The following MGAT5B variants were observed in gnomAD, a reference collection of about 807,000 sequenced individuals.
The protein encoded by MGAT5B is alpha-1,6-mannosylglycoprotein 6-beta-N-acetylglucosaminyltransferase B.
In MGAT5B, 54 loss-of-function variants were observed where a neutral mutation model predicts 95.1. That is an observed-to-expected ratio of 0.57 (90% CI 0.46 to 0.71). The LOEUF is 0.71. MGAT5B is among the 30% of genes least tolerant of loss of function. MGAT5B has a pLI of 0.00. For missense variants in MGAT5B, 935 were observed against 1,088.6 expected, an observed-to-expected ratio of 0.86 and a Z score of 1.99; for synonymous variants, 464 against 451.0, an observed-to-expected ratio of 1.03 and a Z score of -0.36.
chr17:76,931,967 A>G (rs904929530), intron 10 of MGAT5B, among the ~76,000 whole-genome samples: 3 of 151,296 alleles, frequency 2.0e-5, no homozygotes, highest in Admixed American at 6.6e-5. Flanking sequence ...GGACTTGATG[A>G]CCTCTTAGGC....
chr17:76,921,253 A>T (rs1969115352), intron 8 of MGAT5B, among the ~76,000 whole-genome samples: 1 of 152,112 alleles, frequency 6.6e-6, no homozygotes, highest in South Asian at 2.1e-4. Flanking sequence ...TTTCTGCGGC[A>T]CCTGGCCTCA....
rs568566522 is a variant in MGAT5B, at chr17:76,918,357, C to T, written c.1026-6609C>T. Among the ~76,000 whole-genome samples, 87 of 152,262 alleles carry T rather than the reference C, an allele frequency of 5.7e-4. 1 individual carries two copies. The highest frequency in any genetic ancestry group is 1.3e-3 in the Admixed American group (20 of 15,304). ...GTTCTCAGCTGTAGCCCTGAACCCT[C>T]GAGGGCACAGGGTACATGCTGGGGA... On this transcript the variant is annotated intron_variant, in intron 8 of 17. Transcript: ENST00000569840. The surrounding 1 kb of genome is among the most constrained non-coding windows in gnomAD (Gnocchi z 5.1).
chr17:76,893,359 C>T (rs1385844343), intron 3 of MGAT5B, among the ~76,000 whole-genome samples: 1 of 152,194 alleles, frequency 6.6e-6, no homozygotes, highest in African/African-American at 2.4e-5. Context: ...TGGGGACAAC[C>T]CTCCTGAGCC....
chr17:76,930,492 C>T lies in MGAT5B; in HGVS notation c.1292-2153C>T, dbSNP rs989146633. On this transcript the variant is annotated intron_variant, in intron 10 of 17. Coordinates refer to ENST00000569840, the MANE Select transcript of MGAT5B (RefSeq NM_001199172.2). This position sits in a 1 kb window ranked among gnomAD's most constrained non-coding sequence, Gnocchi z 4.1. ...CCTCCTCACTCACCATAGCCCCTTC[C>T]GTGCGGGAAGGTAGATTAAATATCC... is the stretch of plus-strand genomic sequence containing the variant. Among the ~76,000 whole-genome samples the T allele has an allele frequency of 1.3e-5, 2 of 152,170 alleles. No homozygotes were observed. The highest frequency in any genetic ancestry group is 1.5e-5 in the Non-Finnish European group (1 of 68,052).
rs9900337 is a variant in MGAT5B at position 76,940,984 on chromosome 17, C to G, written c.1848+136C>G. The G allele has an allele frequency of 0.26, 169,233 of 659,646 alleles. 22,752 individuals carry two copies. Among genetic ancestry groups the G allele is most frequent in the East Asian group, 0.39 (14,030 of 36,344 alleles). 40.9% of individuals were successfully genotyped at this position (659,646 alleles called of 1,614,324 possible). A position where few individuals can be genotyped will look rare whatever the true frequency, so the allele number is the denominator to read the frequency against. On this transcript the variant is annotated intron_variant, in intron 15 of 17. Coordinates refer to ENST00000569840, the MANE Select transcript of MGAT5B (RefSeq NM_001199172.2). This position sits in a 1 kb window ranked among gnomAD's most constrained non-coding sequence, Gnocchi z 4.3. ...GTTGGCAAAGGTGTCCATCCCTCCC[C>G]TGGTCAGACACAGCCCTGAGCCAGG... is the stretch of plus-strand genomic sequence containing the variant.
chr17:76,904,187 C>T (rs918607800), intron 5 of MGAT5B, 65 bp from the exon 6 acceptor site: 21 of 1,495,778 alleles, frequency 1.4e-5, no homozygotes, highest in African/African-American at 1.4e-4. Context: ...GGTGCACGTG[C>T]GGGGGAGTCC....
chr17:76,940,437 C>A lies in MGAT5B; in HGVS notation c.1620C>A (p.Pro540=). The A allele has an allele frequency of 6.2e-7, 1 of 1,612,704 alleles. No homozygotes were observed. The part of the protein sequence containing the change: ...FIGFGFPYEG[P]APLEAIANGC... The stretch of plus-strand genomic sequence containing the variant: ...GGTTTGGCTTCCCCTACGAGGGCCC[C>A]GCCCCCCTGGAGGCCATCGCCAATG... The change falls in exon 14 of 18, where the codon CCC becomes CCA. Residue 540 remains proline (P), a synonymous_variant. Coordinates refer to ENST00000569840, the MANE Select transcript of MGAT5B (RefSeq NM_001199172.2). The surrounding 1 kb of genome is among the most constrained non-coding windows in gnomAD (Gnocchi z 4.3).
At chr17:76,928,385 G>A (rs1175272745) in intron 10 of MGAT5B, among the ~76,000 whole-genome samples, 21 of 152,108 alleles carry the variant, frequency 1.4e-4, no homozygotes, top group Non-Finnish European at 2.9e-4. Context: ...ACGAAGTTGA[G>A]AAGCTTGGGT....
At chr17:76,947,711 A>G (rs142233842) in intron 16 of MGAT5B, 119 bp from the exon 17 acceptor site, 2 of 1,391,864 alleles carry the variant, frequency 1.4e-6, no homozygotes, top group Non-Finnish European at 9.3e-7. Context: ...GCTACCTGGT[A>G]TTCAGTAAGC....
Position 76,917,992 on chromosome 17 carries a change from C to T in MGAT5B, c.1026-6974C>T, listed in dbSNP as rs111531426. On this transcript the variant is annotated intron_variant, in intron 8 of 17. Coordinates refer to ENST00000569840, the MANE Select transcript of MGAT5B (RefSeq NM_001199172.2). The surrounding 1 kb of genome is among the most constrained non-coding windows in gnomAD (Gnocchi z 6.1). ...GAGTTCCCGTTCCTCTTCCTGCAGC[C>T]GTGCTGGCAGCCAGCGGGGTGAGTG... is the stretch of plus-strand genomic sequence containing the variant. Among the ~76,000 whole-genome samples, 8 of 152,326 alleles carry T rather than the reference C, an allele frequency of 5.3e-5. No homozygotes were observed. The highest frequency in any genetic ancestry group is 1.9e-4 in the East Asian group (1 of 5,178).
chr17:76,877,488 G>A (rs1967233915), intron 2 of MGAT5B, among the ~76,000 whole-genome samples: 1 of 152,162 alleles, frequency 6.6e-6, no homozygotes, highest in African/African-American at 2.4e-5. Context: ...ACCTGGCTCT[G>A]TGGATGGCTC....
At chr17:76,888,429 T>A (rs1967744042) in intron 3 of MGAT5B, among the ~76,000 whole-genome samples, 1 of 152,134 alleles carries the variant, frequency 6.6e-6, no homozygotes, top group Non-Finnish European at 1.5e-5. Context: ...TCTCCCGGTA[T>A]GCGTGTCTGT....
chr17:76,949,623 A>G lies in MGAT5B; in HGVS notation c.*785A>G, dbSNP rs565998613. The G allele has an allele frequency of 1.3e-5, 2 of 152,098 alleles. No individual in the cohort carries two copies. The highest frequency in any genetic ancestry group is 1.3e-4 in the Admixed American group (2 of 15,280). 9.4% of individuals were successfully genotyped at this position (152,098 alleles called of 1,614,324 possible). A position where few individuals can be genotyped will look rare whatever the true frequency, so the allele number is the denominator to read the frequency against. ...TCACTCTGGGCTTCTCCCAAAACCC[A>G]TCCTGGCATGACCTGCAACTCCAGG... On this transcript the variant is annotated 3_prime_UTR_variant, in exon 18 of 18. Coordinates refer to ENST00000569840, the MANE Select transcript of MGAT5B (RefSeq NM_001199172.2).
At chr17:76,903,273 G>A (rs1968387586) in intron 4 of MGAT5B, 30 bp from the exon 5 acceptor site, 1 of 1,591,180 alleles carries the variant, frequency 6.3e-7, no homozygotes. Context: ...CTTGGACCAG[G>A]GACTTCAGCA....
At chr17:76,946,961 C>T (rs1278154493) in intron 16 of MGAT5B, among the ~76,000 whole-genome samples, 1 of 152,254 alleles carries the variant, frequency 6.6e-6, no homozygotes. Flanking sequence ...GAGTACACTC[C>T]TTCTCCTCCC....
intron 16 of MGAT5B, among the ~76,000 whole-genome samples, chr17:76,946,974 G>A (rs898251308): frequency 1.3e-5 from 2 of 152,222 alleles, no homozygotes; most frequent in African/African-American, 4.8e-5. Flanking sequence ...CTCCTCCCAC[G>A]GGTGCTCAGA....
At chr17:76,939,227 C>T (rs567763115) in intron 13 of MGAT5B, among the ~76,000 whole-genome samples, 43 of 150,952 alleles carry the variant, frequency 2.8e-4, no homozygotes, top group Non-Finnish European at 4.3e-4. Flanking sequence ...TGGCCAGGTG[C>T]GGTGGCTCAC....
chr17:76,897,219 G>A (rs547431798), intron 3 of MGAT5B, among the ~76,000 whole-genome samples: 29 of 152,214 alleles, frequency 1.9e-4, no homozygotes, highest in Admixed American at 3.3e-4. Flanking sequence ...GCCTGGTCCT[G>A]GACTCTCTTT....
rs1047746828 is a variant in MGAT5B at position 76,889,801 on chromosome 17, G to A, written c.329+7503G>A. 6.6e-5 allele frequency among the ~76,000 whole-genome samples: 10 copies of A among 152,248 alleles called. No individual in the cohort carries two copies. Among genetic ancestry groups the A allele is most frequent in the Middle Eastern group, 6.8e-3 (2 of 292 alleles). On this transcript the variant is annotated intron_variant, in intron 3 of 17. Coordinates refer to ENST00000569840, the MANE Select transcript of MGAT5B (RefSeq NM_001199172.2). This position sits in a 1 kb window ranked among gnomAD's most constrained non-coding sequence, Gnocchi z 4.4. The stretch of plus-strand genomic sequence containing the variant: ...TCACAGCCCCACGGTGCCGAGAGCC[G>A]GACCAACCACATGACAGCCACGTTT...
Sources: gnomAD v4.1 joint callset for allele counts (sites outside exome capture counted in the v4.1 genomes callset) on GRCh38, gnomAD v4.1.1 for gene constraint, Gnocchi (gnomAD v3.1) non-coding constraint, MANE v1.5 for transcripts, NCBI Gene and HGNC (gene_info 2026-07-23, HGNC 2026-07-21) for gene names.